Variants in REC114 observed in about 807,000 individuals in gnomAD.
REC114 encodes the protein meiotic recombination protein REC114.
Under a neutral mutation model 31.3 loss-of-function variants are expected in REC114, and 27 were observed. The observed-to-expected ratio is 0.86, with a 90% CI of 0.64 to 1.19. REC114 has a LOEUF of 1.19. Ranked by LOEUF, REC114 falls within the 50% of genes most tolerant of loss-of-function variation. The probability of loss-of-function intolerance (pLI) is 0.00; values close to 1 mark genes in which losing one functional copy is unlikely to be tolerated. For missense variants in REC114, 344 were observed against 326.9 expected, an observed-to-expected ratio of 1.05 and a Z score of -0.40; for synonymous variants, 134 against 127.7, an observed-to-expected ratio of 1.05 and a Z score of -0.33.
At chr15:73,522,056 A>G (rs968929714) in intron 2 of REC114, among the ~76,000 whole-genome samples, 1 of 152,178 alleles carries the variant, frequency 6.6e-6, no homozygotes, top group African/African-American at 2.4e-5. Context: ...CAGGAAGTAG[A>G]AAAAGTAGAT....
intron 2 of REC114, among the ~76,000 whole-genome samples, chr15:73,493,376 G>A (rs1893472768): frequency 6.6e-6 from 1 of 151,912 alleles, no homozygotes; most frequent in Admixed American, 6.6e-5. Context: ...TTTTTGTGGT[G>A]CAATTTTAAT....
chr15:73,554,938 AC>A, intron 4 of REC114, among the ~76,000 whole-genome samples: 1 of 152,258 alleles, frequency 6.6e-6, no homozygotes, highest in Non-Finnish European at 1.5e-5. Context: ...CCTTGTTTTT[AC>A]AGAGGAGAAA....
intron 2 of REC114, among the ~76,000 whole-genome samples, chr15:73,521,055 G>C (rs4777603): frequency 0.033 from 5,014 of 152,292 alleles, 110 homozygotes; most frequent in Middle Eastern, 0.1. Context: ...CATAGAGGAT[G>C]AGTATCTCTT....
At chr15:73,463,881 C>A (rs992885889) in intron 1 of REC114, among the ~76,000 whole-genome samples, 1 of 151,818 alleles carries the variant, frequency 6.6e-6, no homozygotes, top group South Asian at 2.1e-4. Context: ...TAACTAGAAG[C>A]TTTTAAGATC....
At chr15:73,454,686 C>A (rs978926316) in intron 1 of REC114, among the ~76,000 whole-genome samples, 1 of 152,098 alleles carries the variant, frequency 6.6e-6, no homozygotes, top group African/African-American at 2.4e-5. Flanking sequence ...GGATGACTGA[C>A]CTATAATTGG....
intron 4 of REC114, 92 bp from the exon 5 acceptor site, chr15:73,556,210 T>C: frequency 9.3e-7 from 1 of 1,069,730 alleles, no homozygotes; most frequent in Non-Finnish European, 1.4e-6. Flanking sequence ...TTTCTTTCTT[T>C]GAACATGAAT....
intron 2 of REC114, among the ~76,000 whole-genome samples, chr15:73,516,982 G>A (rs573948011): frequency 3.3e-4 from 50 of 152,138 alleles, no homozygotes; most frequent in Middle Eastern, 3.2e-3. Flanking sequence ...ACACTCCATC[G>A]ATTTCATTCA....
intron 4 of REC114, 94 bp downstream of exon 4, chr15:73,551,244 G>A: frequency 8.1e-7 from 1 of 1,241,818 alleles, no homozygotes; most frequent in Non-Finnish European, 1.1e-6. Flanking sequence ...AAGTCTGTTA[G>A]GTTTGTAGTT....
intron 1 of REC114, among the ~76,000 whole-genome samples, chr15:73,444,898 G>A (rs1480222017): frequency 6.6e-6 from 1 of 152,218 alleles, no homozygotes; most frequent in African/African-American, 2.4e-5. Flanking sequence ...TAGCAGGCAT[G>A]CAAACAACAT....
At chr15:73,519,313 G>A (rs1893904058) in intron 2 of REC114, among the ~76,000 whole-genome samples, 1 of 152,164 alleles carries the variant, frequency 6.6e-6, no homozygotes, top group Non-Finnish European at 1.5e-5. Flanking sequence ...AGGACACGAT[G>A]AGAAAATGTC....
chr15:73,475,046 A>C (rs1347221888), intron 2 of REC114, among the ~76,000 whole-genome samples: 1 of 152,140 alleles, frequency 6.6e-6, no homozygotes. Context: ...AGTGTTGCAA[A>C]TGGTAGACTT....
intron 1 of REC114, among the ~76,000 whole-genome samples, chr15:73,444,352 T>C (rs1265704185): frequency 6.6e-6 from 1 of 152,266 alleles, no homozygotes; most frequent in Admixed American, 6.5e-5. Flanking sequence ...TCCTCTCACA[T>C]TTTGCTGCTG....
intron 2 of REC114, among the ~76,000 whole-genome samples, chr15:73,506,702 A>G (rs1893682176): frequency 6.6e-6 from 1 of 152,226 alleles, no homozygotes; most frequent in South Asian, 2.1e-4. Context: ...TAAATGAATG[A>G]GTTTTATAAG....
intron 2 of REC114, among the ~76,000 whole-genome samples, chr15:73,524,123 A>G (rs28834466): frequency 0.15 from 22,800 of 152,182 alleles, 2,788 homozygotes; most frequent in African/African-American, 0.34. Flanking sequence ...ACAGGATCTA[A>G]TTTGAGGCAC....
chr15:73,554,416 C>T (rs1894433826), intron 4 of REC114, among the ~76,000 whole-genome samples: 1 of 152,168 alleles, frequency 6.6e-6, no homozygotes, highest in Non-Finnish European at 1.5e-5. Context: ...TTTGTAGTAC[C>T]TATATATTTT....
At chr15:73,542,545 C>T (rs2141331221) in intron 3 of REC114, among the ~76,000 whole-genome samples, 1 of 152,062 alleles carries the variant, frequency 6.6e-6, no homozygotes, top group South Asian at 2.1e-4. Context: ...ATCCACTTTC[C>T]TATATAGCTC....
intron 1 of REC114, among the ~76,000 whole-genome samples, chr15:73,466,090 A>G (rs968362917): frequency 6.6e-6 from 1 of 151,528 alleles, no homozygotes; most frequent in African/African-American, 2.4e-5. Flanking sequence ...TGACCTCATG[A>G]TCTGCCCACC....
intron 1 of REC114, among the ~76,000 whole-genome samples, chr15:73,445,509 A>G (rs1486761458): frequency 6.6e-6 from 1 of 152,208 alleles, no homozygotes; most frequent in African/African-American, 2.4e-5. Flanking sequence ...TAAGAGGTCT[A>G]GCTTTTGACC....
intron 2 of REC114, among the ~76,000 whole-genome samples, chr15:73,488,700 A>G (rs1893406354): frequency 6.6e-6 from 1 of 152,114 alleles, no homozygotes; most frequent in African/African-American, 2.4e-5. Context: ...TACTGTCCAT[A>G]TTTCTACCAA....
Sources: allele counts gnomAD v4.1 joint callset (sites outside exome capture counted in the v4.1 genomes callset), GRCh38; gene constraint gnomAD v4.1.1; transcripts MANE v1.5; gene names NCBI Gene and HGNC (gene_info 2026-07-23, HGNC 2026-07-21).